Variants in ZNF892 observed in about 807,000 individuals in gnomAD.
The protein encoded by ZNF892 is zinc finger protein 570-like.
the ZNF892 span, among the ~76,000 whole-genome samples, chr2:95,241,004 C>G: frequency 1.3e-5 from 2 of 152,246 alleles, no homozygotes; most frequent in Admixed American, 1.3e-4. Flanking sequence ...TGATCTCTCC[C>G]AGGGATGGAG....
At chr2:95,256,865 T>G in the ZNF892 span, among the ~76,000 whole-genome samples, 1 of 152,226 alleles carries the variant, frequency 6.6e-6, no homozygotes, top group Non-Finnish European at 1.5e-5. Flanking sequence ...TTGATGGAAT[T>G]GGCTACTGAG....
chr2:95,252,056 A>G, the ZNF892 span, among the ~76,000 whole-genome samples: 4 of 152,228 alleles, frequency 2.6e-5, no homozygotes, highest in Non-Finnish European at 5.9e-5. Context: ...TGAGCACTCA[A>G]AGGATTTCTC....
the ZNF892 span, among the ~76,000 whole-genome samples, chr2:95,242,158 C>G: frequency 6.6e-6 from 1 of 152,128 alleles, no homozygotes; most frequent in Non-Finnish European, 1.5e-5. Context: ...GTAAGATACT[C>G]CATGAGAAAA....
chr2:95,250,796 AT>A, the ZNF892 span, among the ~76,000 whole-genome samples: 2 of 145,736 alleles, frequency 1.4e-5, no homozygotes, highest in East Asian at 4.0e-4. Context: ...TAAATATAAA[AT>A]ATTCATAAAT....
the ZNF892 span, among the ~76,000 whole-genome samples, chr2:95,235,604 G>A: frequency 2.0e-5 from 3 of 152,126 alleles, no homozygotes; most frequent in Non-Finnish European, 2.9e-5. Flanking sequence ...CTTGTGATCC[G>A]CCCACCTCGG....
At chr2:95,215,454 A>G in the ZNF892 span, 2 of 438,494 alleles carry the variant, frequency 4.6e-6, no homozygotes, top group African/African-American at 4.0e-5. Flanking sequence ...AAAGCCCTAC[A>G]AGTGTAAGGA....
At chr2:95,226,431 G>A in the ZNF892 span, among the ~76,000 whole-genome samples, 3 of 152,112 alleles carry the variant, frequency 2.0e-5, no homozygotes, top group Non-Finnish European at 4.4e-5. Flanking sequence ...TATTTTCACT[G>A]GATGTTAAGT....
At chr2:95,237,272 C>T in the ZNF892 span, among the ~76,000 whole-genome samples, 1 of 152,042 alleles carries the variant, frequency 6.6e-6, no homozygotes, top group East Asian at 1.9e-4. Flanking sequence ...CTCAGTCTCC[C>T]GAGTAGCTGG....
chr2:95,226,340 G>A, the ZNF892 span, among the ~76,000 whole-genome samples: 11 of 152,158 alleles, frequency 7.2e-5, no homozygotes, highest in Middle Eastern at 9.5e-3. Flanking sequence ...GGTGAGGATC[G>A]GTAGCTGATA....
At chr2:95,223,331 T>C in the ZNF892 span, among the ~76,000 whole-genome samples, 1 of 152,364 alleles carries the variant, frequency 6.6e-6, no homozygotes, top group African/African-American at 2.4e-5. Flanking sequence ...TTGAATGTTT[T>C]CCCATTATGT....
the ZNF892 span, among the ~76,000 whole-genome samples, chr2:95,258,494 G>A: frequency 6.6e-6 from 1 of 152,208 alleles, no homozygotes; most frequent in South Asian, 2.1e-4. Context: ...GGGAATGGAC[G>A]TGGGTTACAG....
At chr2:95,250,407 A>G in the ZNF892 span, among the ~76,000 whole-genome samples, 2 of 151,690 alleles carry the variant, frequency 1.3e-5, no homozygotes, top group South Asian at 2.1e-4. Context: ...ACATTATCTC[A>G]GATCATATGA....
At chr2:95,208,315 C>T in the ZNF892 span, among the ~76,000 whole-genome samples, 3 of 152,132 alleles carry the variant, frequency 2.0e-5, no homozygotes, top group Admixed American at 1.3e-4. Flanking sequence ...TTCGTTTATC[C>T]TGTGAGCCTG....
the ZNF892 span, among the ~76,000 whole-genome samples, chr2:95,234,504 T>C: frequency 1.3e-5 from 2 of 152,164 alleles, no homozygotes; most frequent in African/African-American, 2.4e-5. Flanking sequence ...GGCTTCCCAC[T>C]CGGTCTGTTA....
the ZNF892 span, among the ~76,000 whole-genome samples, chr2:95,228,259 G>T: frequency 3.9e-5 from 6 of 152,164 alleles, no homozygotes; most frequent in Non-Finnish European, 8.8e-5. Flanking sequence ...CTACACATGT[G>T]TGATTTTCAT....
chr2:95,236,212 C>G, the ZNF892 span, among the ~76,000 whole-genome samples: 10 of 152,158 alleles, frequency 6.6e-5, no homozygotes, highest in African/African-American at 2.4e-4. Flanking sequence ...GTTTTAGATT[C>G]TTGTTGAACC....
At chr2:95,222,064 G>A in the ZNF892 span, among the ~76,000 whole-genome samples, 2 of 151,884 alleles carry the variant, frequency 1.3e-5, no homozygotes, top group Non-Finnish European at 2.9e-5. Context: ...CACCACAAAG[G>A]GTACAGAACA....
chr2:95,216,480 C>T, the ZNF892 span, among the ~76,000 whole-genome samples: 10 of 151,838 alleles, frequency 6.6e-5, no homozygotes, highest in Non-Finnish European at 1.0e-4. Context: ...CTAGTTTGTA[C>T]CTTAGATTTT....
chr2:95,234,306 A>G, the ZNF892 span, among the ~76,000 whole-genome samples: 4 of 152,366 alleles, frequency 2.6e-5, no homozygotes, highest in South Asian at 4.1e-4. Context: ...TGATTAGAAG[A>G]AGAACCCAGG....
Sources: allele counts gnomAD v4.1 joint callset (sites outside exome capture counted in the v4.1 genomes callset), GRCh38; gene constraint gnomAD v4.1.1; transcripts MANE v1.5; gene names NCBI Gene and HGNC (gene_info 2026-07-23, HGNC 2026-07-21).